The following CREB5 variants were observed in gnomAD, a reference collection of about 807,000 sequenced individuals.
CREB5 encodes cAMP responsive element binding protein 5.
Under a neutral mutation model 57.1 loss-of-function variants are expected in CREB5, and 19 were observed. The ratio of observed to expected loss-of-function variants is 0.33; its 90% CI spans 0.23 to 0.49. CREB5 has a LOEUF of 0.49. Among genes scored for constraint, CREB5 ranks in the 20% least tolerant of loss-of-function variants. CREB5 has a pLI of 0.99. For synonymous variants in CREB5, 238 were observed against 238.3 expected (o/e 1.00, Z 0.01); for missense variants, 579 against 671.6 (o/e 0.86, Z 1.52).
chr7:28,438,114 C>G (rs1251533282), intron 1 of CREB5, among the ~76,000 whole-genome samples: 1 of 152,116 alleles, frequency 6.6e-6, no homozygotes, highest in Non-Finnish European at 1.5e-5. Flanking sequence ...AAGAATCCTG[C>G]CCAAAGACCT....
intron 7 of CREB5, among the ~76,000 whole-genome samples, chr7:28,803,225 C>T (rs1808474951): frequency 6.6e-6 from 1 of 152,132 alleles, no homozygotes; most frequent in Admixed American, 6.5e-5. Context: ...TCACTCCCTT[C>T]TCAAAGTCAA....
chr7:28,561,021 TGTGC>T lies in CREB5; in HGVS notation c.292-9340_292-9337del, dbSNP rs1371663662. Among the ~76,000 whole-genome samples the T allele has an allele frequency of 1.6e-4, 7 of 43,258 alleles. 2 individuals carry two copies. Among genetic ancestry groups the T allele is most frequent in the African/African-American group, 9.5e-4 (6 of 6,286 alleles). 28.4% of individuals were successfully genotyped at this position (43,258 alleles called of 152,430 possible). The stretch of plus-strand genomic sequence containing the variant: ...CTGCGTGTGCGTGTGTGTGTGCGTG[TGTGC>T]GTGTGTGTGTGTGTGTGTGAAGGTA... On this transcript the variant is annotated intron_variant, in intron 4 of 10. Coordinates refer to ENST00000357727, the MANE Select transcript of CREB5 (RefSeq NM_182898.4).
intron 1 of CREB5, among the ~76,000 whole-genome samples, chr7:28,429,373 G>A (rs982468866): frequency 6.6e-5 from 10 of 152,160 alleles, no homozygotes; most frequent in Non-Finnish European, 1.5e-4. Context: ...AATCTGAAAT[G>A]TCAGGGATAA....
At chr7:28,657,042 G>A (rs1799358694) in intron 5 of CREB5, among the ~76,000 whole-genome samples, 1 of 152,090 alleles carries the variant, frequency 6.6e-6, no homozygotes, top group Non-Finnish European at 1.5e-5. Flanking sequence ...GTGATTAGGT[G>A]CATGTAATAC....
intron 1 of CREB5, among the ~76,000 whole-genome samples, chr7:28,366,133 C>A (rs1399846284): frequency 3.3e-5 from 5 of 152,112 alleles, no homozygotes; most frequent in Non-Finnish European, 5.9e-5. Flanking sequence ...CTCAACTTCA[C>A]CCGCAAAAAA....
chr7:28,598,219 A>G (rs770373413), intron 5 of CREB5, among the ~76,000 whole-genome samples: 11 of 152,144 alleles, frequency 7.2e-5, no homozygotes, highest in Non-Finnish European at 1.5e-4. Context: ...TGGGTTTGTC[A>G]GGGGTTTCCG....
At position 28,353,123 on chromosome 7, in the gene CREB5, T is replaced by C. The variant is rs374710951; in HGVS notation, c.-25+53682T>C. Among the ~76,000 whole-genome samples, 31 of 152,336 alleles carry C rather than the reference T, an allele frequency of 2.0e-4. 1 individual carries two copies. In the South Asian group the frequency reaches 6.2e-3, roughly 31 times the overall value. Reference sequence around the variant, plus strand: ...TGTTTTTGTTTTTTGAGAGTCTTGCTCTGTTGCCAAAGCTGGAGTTTAATG... The same window carrying C: ...TGTTTTTGTTTTTTGAGAGTCTTGCCCTGTTGCCAAAGCTGGAGTTTAATG... On this transcript the variant is annotated intron_variant, in intron 1 of 9. Transcript: ENST00000396299.
chr7:28,798,705 C>T (rs1031092338), intron 7 of CREB5, among the ~76,000 whole-genome samples: 5 of 152,154 alleles, frequency 3.3e-5, no homozygotes, highest in Non-Finnish European at 5.9e-5. Flanking sequence ...GGCTTCTCGC[C>T]GCCTCCCCTA....
At chr7:28,469,723 T>C (rs947735148) in intron 1 of CREB5, among the ~76,000 whole-genome samples, 1 of 152,222 alleles carries the variant, frequency 6.6e-6, no homozygotes, top group Admixed American at 6.5e-5. Context: ...CTGTTCTCAA[T>C]TGTTTACAGA....
At chr7:28,766,715 C>T (rs1806013090) in intron 7 of CREB5, among the ~76,000 whole-genome samples, 1 of 152,180 alleles carries the variant, frequency 6.6e-6, no homozygotes, top group Admixed American at 6.5e-5. Context: ...CAGAATGGCC[C>T]TTGTGGGTAA....
chr7:28,401,827 T>A (rs1233068135), intron 1 of CREB5, among the ~76,000 whole-genome samples: 1 of 152,218 alleles, frequency 6.6e-6, no homozygotes, highest in Non-Finnish European at 1.5e-5. Flanking sequence ...GACATTTGGG[T>A]TGGTTCCAAG....
intron 5 of CREB5, among the ~76,000 whole-genome samples, chr7:28,606,769 TTTCTC>T (rs1296493350): frequency 1.3e-4 from 20 of 152,226 alleles, no homozygotes; most frequent in African/African-American, 4.8e-4. Context: ...TAGGTTATGA[TTTCTC>T]TAGTTAGGCT....
At chr7:28,609,575 A>C (rs1347309314) in intron 5 of CREB5, among the ~76,000 whole-genome samples, 1 of 152,230 alleles carries the variant, frequency 6.6e-6, no homozygotes, top group Non-Finnish European at 1.5e-5. Flanking sequence ...AGACAACTGT[A>C]TGAAAAAATT....
intron 6 of CREB5, among the ~76,000 whole-genome samples, chr7:28,720,897 T>A (rs750991256): frequency 1.7e-4 from 26 of 152,094 alleles, no homozygotes; most frequent in African/African-American, 6.0e-4. Flanking sequence ...TAAAAAAAAA[T>A]TTGGCTAAGC....
intron 5 of CREB5, among the ~76,000 whole-genome samples, chr7:28,662,676 T>G (rs1422746150): frequency 6.6e-6 from 1 of 152,184 alleles, no homozygotes; most frequent in African/African-American, 2.4e-5. Context: ...GTGAATATGC[T>G]GGGAGGCGCT....
intron 3 of CREB5, among the ~76,000 whole-genome samples, chr7:28,505,000 C>T (rs1247819766): frequency 1.3e-5 from 2 of 152,240 alleles, no homozygotes; most frequent in East Asian, 1.9e-4. Context: ...ACTTGTGGAT[C>T]GATCCAGCAG....
intron 2 of CREB5, chr7:28,491,390 A>C (rs1791802085): frequency 3.0e-6 from 1 of 332,968 alleles, no homozygotes; most frequent in Non-Finnish European, 4.3e-6. Context: ...AAGTGACTTG[A>C]AAATGCTGAA....
At chr7:28,439,992 CT>C (rs1236520292) in intron 1 of CREB5, among the ~76,000 whole-genome samples, 1 of 152,176 alleles carries the variant, frequency 6.6e-6, no homozygotes, top group Non-Finnish European at 1.5e-5. Context: ...CTTGTCTGTG[CT>C]TAGCTGGAAC....
intron 7 of CREB5, among the ~76,000 whole-genome samples, chr7:28,728,236 G>A (rs984630902): frequency 6.6e-6 from 1 of 152,164 alleles, no homozygotes. Flanking sequence ...CGCCATGCCT[G>A]GCCTATTGTC....
Sources: gnomAD v4.1 joint callset for allele counts (sites outside exome capture counted in the v4.1 genomes callset) on GRCh38, gnomAD v4.1.1 for gene constraint, MANE v1.5 for transcripts, NCBI Gene and HGNC (gene_info 2026-07-23, HGNC 2026-07-21) for gene names.